The following CFTR variants were observed in gnomAD, a reference collection of about 807,000 sequenced individuals.
CFTR encodes the protein CF transmembrane conductance regulator.
Under a neutral mutation model 171.6 loss-of-function variants are expected in CFTR, and 181 were observed. The ratio of observed to expected loss-of-function variants is 1.05; its 90% CI spans 0.93 to 1.19. The LOEUF is 1.19. Ranked by LOEUF, CFTR falls within the 50% of genes most tolerant of loss-of-function variation. The probability of loss-of-function intolerance (pLI) is 0.00; values close to 1 mark genes in which losing one functional copy is unlikely to be tolerated. For missense variants in CFTR, 1,968 were observed against 1,734.7 expected (o/e 1.13, Z -2.39); for synonymous variants, 583 against 608.0 (o/e 0.96, Z 0.60).
intron 10 of CFTR, among the ~76,000 whole-genome samples, chr7:117,554,836 G>A (rs564260724): frequency 2.6e-5 from 4 of 152,192 alleles, no homozygotes; most frequent in South Asian, 4.2e-4. Flanking sequence ...TCTGAAATAC[G>A]GAGATAACTC....
chr7:117,657,600 G>C (rs1296018521), intron 24 of CFTR, among the ~76,000 whole-genome samples: 1 of 152,172 alleles, frequency 6.6e-6, no homozygotes, highest in Non-Finnish European at 1.5e-5. Context: ...ACATTTTTGG[G>C]TGTGTCAAAC....
Position 117,667,241 on chromosome 7 carries a change from TA to T in CFTR, c.*139del, listed in dbSNP as rs902627601. ...AACAAGGATGAATTAAGTTTTTTTT[TA>T]AAAAAGAAACATTTGGTAAGGGGAA... On this transcript the variant is annotated 3_prime_UTR_variant, in exon 27 of 27. Coordinates refer to ENST00000003084, the MANE Select transcript of CFTR (RefSeq NM_000492.4). 53 of 739,510 alleles carry T rather than the reference TA, an allele frequency of 7.2e-5. No homozygotes were observed. Among genetic ancestry groups the T allele is most frequent in the African/African-American group, 4.1e-4 (19 of 46,330 alleles). The allele number at this position is 739,510 out of a possible 1,614,324, so 45.8% of individuals were successfully genotyped here. A position where few individuals can be genotyped will look rare whatever the true frequency, so the allele number is the denominator to read the frequency against.
intron 23 of CFTR, among the ~76,000 whole-genome samples, chr7:117,650,928 G>A (rs568782314): frequency 6.6e-6 from 1 of 152,266 alleles, no homozygotes; most frequent in East Asian, 1.9e-4. Flanking sequence ...TGGTGATGAG[G>A]AGCACGGGTT....
intron 15 of CFTR, among the ~76,000 whole-genome samples, chr7:117,599,198 T>A (rs1257140792): frequency 6.6e-6 from 1 of 152,188 alleles, no homozygotes; most frequent in African/African-American, 2.4e-5. Context: ...TCTGTGCCCA[T>A]TTAATCTTAA....
intron 1 of CFTR, among the ~76,000 whole-genome samples, chr7:117,486,976 G>A (rs1395178282): frequency 6.6e-6 from 1 of 151,916 alleles, no homozygotes; most frequent in Admixed American, 6.6e-5. Flanking sequence ...AGTAGTTGAA[G>A]GTGAAGGAAA....
At chr7:117,572,936 G>T (rs1199618741) in intron 11 of CFTR, among the ~76,000 whole-genome samples, 1 of 152,034 alleles carries the variant, frequency 6.6e-6, no homozygotes, top group Non-Finnish European at 1.5e-5. Context: ...TTAAAAAAGG[G>T]TTTATGGTAT....
intron 3 of CFTR, among the ~76,000 whole-genome samples, chr7:117,510,763 T>G (rs776059159): frequency 6.6e-6 from 1 of 152,170 alleles, no homozygotes; most frequent in Non-Finnish European, 1.5e-5. Context: ...TTTGGTCTGG[T>G]GCATGCCAAA....
intron 11 of CFTR, among the ~76,000 whole-genome samples, chr7:117,583,323 C>CT (rs1236522287): frequency 6.6e-6 from 1 of 151,796 alleles, no homozygotes; most frequent in African/African-American, 2.4e-5. Context: ...ATCCCCCCCC[C>CT]GCTCCACCCT....
chr7:117,501,047 T>A (rs1798317899), intron 1 of CFTR, among the ~76,000 whole-genome samples: 1 of 152,228 alleles, frequency 6.6e-6, no homozygotes, highest in African/African-American at 2.4e-5. Flanking sequence ...TTATATTTTT[T>A]AAAAGAGATT....
At chr7:117,550,828 A>G (rs1049317810) in intron 10 of CFTR, among the ~76,000 whole-genome samples, 1 of 152,148 alleles carries the variant, frequency 6.6e-6, no homozygotes, top group Non-Finnish European at 1.5e-5. Flanking sequence ...GAGTTAGAGG[A>G]AGGCAGTGGT....
chr7:117,650,154 A>G (rs1793067972), intron 23 of CFTR, among the ~76,000 whole-genome samples: 1 of 152,164 alleles, frequency 6.6e-6, no homozygotes, highest in Non-Finnish European at 1.5e-5. Flanking sequence ...TTAAAAGGTC[A>G]ATGAAATGTT....
At position 117,603,693 on chromosome 7, in the gene CFTR, C is replaced by T. The variant is rs780871325; in HGVS notation, c.2819C>T (p.Thr940Ile). The change falls in exon 17 of 27, where the codon ACT becomes ATT. Residue 940 changes from threonine to isoleucine, a missense_variant. Thr to Ile is a moderately conservative substitution (Grantham distance 89). Coordinates refer to ENST00000003084, the MANE Select transcript of CFTR (RefSeq NM_000492.4). ...TTCAGAGGTCTACCACTGGTGCATA[C>T]TCTAATCACAGTGTCGAAAATTTTA... ...GFFRGLPLVHTLITVSKILHH... is the reference protein window; with the variant it reads ...GFFRGLPLVHILITVSKILHH... 1.2e-6 allele frequency: 2 copies of T among 1,614,112 alleles called. No homozygotes were observed. Among genetic ancestry groups the T allele is most frequent in the Non-Finnish European group, 1.7e-6 (2 of 1,179,972 alleles).
intron 13 of CFTR, 55 bp from the exon 14 acceptor site, chr7:117,591,879 A>G: frequency 1.9e-6 from 2 of 1,069,502 alleles, no homozygotes; most frequent in Non-Finnish European, 2.7e-6. Context: ...AATACGAGAC[A>G]TATTGCAATA....
chr7:117,594,805 A>G, intron 14 of CFTR, 125 bp from the exon 15 acceptor site: 3 of 850,682 alleles, frequency 3.5e-6, no homozygotes, highest in South Asian at 1.6e-5. Flanking sequence ...AATGATTTAT[A>G]TTTGTTAAAA....
intron 3 of CFTR, among the ~76,000 whole-genome samples, chr7:117,511,776 A>G (rs1045062395): frequency 3.3e-5 from 5 of 152,300 alleles, no homozygotes; most frequent in East Asian, 1.9e-4. Context: ...TTAGATAAAC[A>G]TAGTGGCCAT....
rs147192904 is a variant in CFTR at position 117,555,547 on chromosome 7, A to G, written c.1393-3917A>G. On this transcript the variant is annotated intron_variant, in intron 10 of 26. Transcript: ENST00000003084. The stretch of plus-strand genomic sequence containing the variant: ...CTCTAGTGGTTCTCGCATATTTTTC[A>G]TCATGTTTAGTGCAATGCCATAAAC... Among the ~76,000 whole-genome samples, 260 of 152,290 alleles carry G rather than the reference A, an allele frequency of 1.7e-3. 1 individual carries two copies. Among genetic ancestry groups the G allele is most frequent in the African/African-American group, 6.0e-3 (251 of 41,552 alleles).
intron 11 of CFTR, among the ~76,000 whole-genome samples, chr7:117,564,179 A>G (rs1046428315): frequency 6.6e-5 from 10 of 152,220 alleles, no homozygotes; most frequent in African/African-American, 2.4e-4. Context: ...TGAAGTAGGC[A>G]TGTCAGTTGC....
intron 1 of CFTR, among the ~76,000 whole-genome samples, chr7:117,503,364 A>G (rs1377293933): frequency 1.3e-5 from 2 of 152,240 alleles, no homozygotes; most frequent in African/African-American, 2.4e-5. Context: ...AATATATTCA[A>G]TTTTACCTGA....
chr7:117,656,950 T>C (rs999605397), intron 24 of CFTR, among the ~76,000 whole-genome samples: 3 of 152,196 alleles, frequency 2.0e-5, no homozygotes, highest in Admixed American at 1.3e-4. Context: ...ATGCCCCTAA[T>C]AAAATGTACT....
Sources: gnomAD v4.1 joint callset for allele counts (sites outside exome capture counted in the v4.1 genomes callset) on GRCh38, gnomAD v4.1.1 for gene constraint, MANE v1.5 for transcripts, NCBI Gene and HGNC (gene_info 2026-07-23, HGNC 2026-07-21) for gene names.